The following ERGIC3 variants were observed in gnomAD, a reference collection of about 807,000 sequenced individuals.
ERGIC3 encodes the protein endoplasmic reticulum-Golgi intermediate compartment protein 3.
In ERGIC3, 33 loss-of-function variants were observed where a neutral mutation model predicts 54.7. That is an observed-to-expected ratio of 0.60 (90% CI 0.46 to 0.81). The LOEUF (loss-of-function observed/expected upper bound fraction) is 0.81. Ranked by LOEUF, ERGIC3 falls within the 30% of genes least tolerant of loss-of-function variation. ERGIC3 has a pLI of 0.00. For synonymous variants in ERGIC3, 186 were observed against 189.8 expected, an observed-to-expected ratio of 0.98 and a Z score of 0.16; for missense variants, 399 against 488.4, an observed-to-expected ratio of 0.82 and a Z score of 1.73.
chr20:35,553,590 A>G (rs78183704), intron 7 of ERGIC3, among the ~76,000 whole-genome samples: 1,857 of 150,650 alleles, frequency 0.012, 36 homozygotes, highest in African/African-American at 0.042. Context: ...TGAAGTGAAC[A>G]GGAAGAAAGG....
In ERGIC3 at chr20:35,557,513, GGTGCTTCCTCT is replaced by G. The variant is rs1568874345; in HGVS notation, c.*12_*22del. On this transcript the variant is annotated 3_prime_UTR_variant, in exon 13 of 13. Transcript: ENST00000348547. The stretch of plus-strand genomic sequence containing the variant: ...TAGGGAAGACAACGTAGTCACCCTC[GGTGCTTCCTCT>G]GTCTCCTCTTTCTCCCTGGCCTGTG... 6.2e-7 allele frequency: 1 copy of G among 1,613,202 alleles called. No homozygotes were observed.
intron 4 of ERGIC3, chr20:35,543,473 G>A (rs2064628699): frequency 2.6e-6 from 1 of 380,868 alleles, no homozygotes. Context: ...ATCAAATGAA[G>A]TCATATGTGT....
At chr20:35,556,376 C>A in intron 10 of ERGIC3, 105 bp downstream of exon 10, 1 of 1,223,756 alleles carries the variant, frequency 8.2e-7, no homozygotes, top group Non-Finnish European at 1.2e-6. Context: ...CTCGTCCTCA[C>A]ATGGCGAATA....
At chr20:35,543,040 A>G (rs552729213) in intron 4 of ERGIC3, 99 bp downstream of exon 4, 3 of 1,569,184 alleles carry the variant, frequency 1.9e-6, no homozygotes, top group South Asian at 2.2e-5. Flanking sequence ...GATACATTAA[A>G]CAACTAAGAG....
chr20:35,556,490 C>T lies in ERGIC3; in HGVS notation c.879+219C>T, dbSNP rs548904831. The T allele has an allele frequency of 8.2e-5, 48 of 582,960 alleles. No homozygotes were observed. The African/African-American group carries it at 9.0e-4, about 11-fold the overall frequency. 36.1% of individuals were successfully genotyped at this position (582,960 alleles called of 1,614,324 possible). On this transcript the variant is annotated intron_variant, in intron 10 of 12. Coordinates refer to ENST00000348547, the MANE Select transcript of ERGIC3 (RefSeq NM_015966.3). Reference sequence around the variant, plus strand: ...CCTGCTCTTTCTGCTGCCCTCACCGCTTCTATCCGTTCCTCCGGTGCCCAC... The same window carrying T: ...CCTGCTCTTTCTGCTGCCCTCACCGTTTCTATCCGTTCCTCCGGTGCCCAC...
intron 4 of ERGIC3, among the ~76,000 whole-genome samples, chr20:35,546,567 T>C (rs769190117): frequency 5.9e-5 from 9 of 152,018 alleles, no homozygotes; most frequent in Non-Finnish European, 8.8e-5. Flanking sequence ...TACAGAGAGT[T>C]GAATGGAACC....
chr20:35,554,213 C>CT (rs2064698855), intron 7 of ERGIC3, among the ~76,000 whole-genome samples: 1 of 152,178 alleles, frequency 6.6e-6, no homozygotes, highest in Admixed American at 6.5e-5. Flanking sequence ...TTAGTTCACT[C>CT]TCGAGGAGGG....
At chr20:35,551,494 T>G (rs1193545176) in intron 7 of ERGIC3, among the ~76,000 whole-genome samples, 1 of 152,140 alleles carries the variant, frequency 6.6e-6, no homozygotes, top group African/African-American at 2.4e-5. Flanking sequence ...GGGAGAGGAC[T>G]TGCCTGGAGA....
chr20:35,552,553 G>A (rs2064687259), intron 7 of ERGIC3, among the ~76,000 whole-genome samples: 1 of 152,176 alleles, frequency 6.6e-6, no homozygotes, highest in African/African-American at 2.4e-5. Flanking sequence ...CACAGCATAT[G>A]AGCTAGGAAA....
At chr20:35,552,665 G>A (rs1282390208) in intron 7 of ERGIC3, among the ~76,000 whole-genome samples, 1 of 152,178 alleles carries the variant, frequency 6.6e-6, no homozygotes, top group Non-Finnish European at 1.5e-5. Context: ...TTGGGGAACT[G>A]GAGGAAATTA....
Position 35,548,516 on chromosome 20 carries a change from A to G in ERGIC3, c.469A>G (p.Asn157Asp), listed in dbSNP as rs1433349627. ...GAEAEDIKCC[N>D]TCEDVREAYR... ...TCACTCCCTGCCCTACAGGTGCTGT[A>G]ACACCTGTGAAGATGTGCGGGAGGC... The change falls in exon 6 of 13, where the codon AAC becomes GAC. Residue 157 changes from asparagine (N) to aspartate (D), a missense_variant. Coordinates refer to ENST00000348547, the MANE Select transcript of ERGIC3 (RefSeq NM_015966.3). The G allele has an allele frequency of 1.2e-6, 2 of 1,613,948 alleles. No individual in the cohort carries two copies. Among genetic ancestry groups the G allele is most frequent in the African/African-American group, 2.7e-5 (2 of 74,932 alleles).
chr20:35,545,350 G>A (rs1431407398), intron 4 of ERGIC3: 1 of 151,620 alleles, frequency 6.6e-6, no homozygotes, highest in Non-Finnish European at 1.5e-5. Flanking sequence ...CTGAAGTCAG[G>A]AGTTCAAGAC....
chr20:35,557,614 TATTG>T lies in ERGIC3; in HGVS notation c.*119_*122del, dbSNP rs750900579. 1.1e-6 allele frequency: 1 copy of T among 889,938 alleles called. No individual in the cohort carries two copies. The highest frequency in any genetic ancestry group is 1.8e-6 in the Non-Finnish European group (1 of 552,946). The allele number at this position is 889,938 out of a possible 1,614,324, so 55.1% of individuals were successfully genotyped here. On this transcript the variant is annotated 3_prime_UTR_variant, in exon 13 of 13. Transcript: ENST00000348547. Reference sequence around the variant, plus strand: ...AGCCCCAGCCCCAGGTTGATAAATCTATTGATTGATTGTGATAGTACTCACTGGT... The same window carrying T: ...AGCCCCAGCCCCAGGTTGATAAATCTATTGATTGTGATAGTACTCACTGGT...
At chr20:35,556,633 G>A in intron 10 of ERGIC3, 2 of 494,532 alleles carry the variant, frequency 4.0e-6, no homozygotes, top group Non-Finnish European at 7.4e-6. Flanking sequence ...TCAGCAGAGT[G>A]GCAGGATGCG....
chr20:35,543,099 A>C (rs1949334586), intron 4 of ERGIC3, 158 bp downstream of exon 4: 2 of 1,003,356 alleles, frequency 2.0e-6, no homozygotes, highest in Non-Finnish European at 2.9e-6. Context: ...AGTAAGAGTC[A>C]GAGTGAGCTA....
intron 8 of ERGIC3, among the ~76,000 whole-genome samples, chr20:35,555,441 A>G (rs998492987): frequency 6.6e-6 from 1 of 152,054 alleles, no homozygotes; most frequent in Admixed American, 6.6e-5. Flanking sequence ...CATCTTTCTC[A>G]TGAGAACAGT....
chr20:35,542,797 C>T (rs371681962), intron 3 of ERGIC3, 25 bp from the exon 4 acceptor site: 8 of 1,614,044 alleles, frequency 5.0e-6, no homozygotes, highest in Admixed American at 1.7e-5. Context: ...GTCCCAGTAC[C>T]TTAGCCTGAT....
chr20:35,546,082 AAG>A (rs1411626286), intron 4 of ERGIC3, among the ~76,000 whole-genome samples: 1 of 152,202 alleles, frequency 6.6e-6, no homozygotes, highest in Non-Finnish European at 1.5e-5. Flanking sequence ...GAGTTTCAAG[AAG>A]AGAGAGTGAG....
In ERGIC3 at chr20:35,556,961, C is replaced by T; in HGVS notation, c.880-12C>T. 6.2e-7 allele frequency: 1 copy of T among 1,614,024 alleles called. No individual in the cohort carries two copies. Among genetic ancestry groups the T allele is most frequent in the Non-Finnish European group, 8.5e-7 (1 of 1,179,946 alleles). ...AGCCCTAGCCCTGGCCCAGGCTCCC[C>T]TCCCACCCCAGGTACTGAGGACAAA... On this transcript the variant is annotated splice_polypyrimidine_tract_variant and intron_variant, in intron 10 of 12. Transcript: ENST00000348547.
Sources: gnomAD v4.1 joint callset for allele counts (sites outside exome capture counted in the v4.1 genomes callset) on GRCh38, gnomAD v4.1.1 for gene constraint, MANE v1.5 for transcripts, NCBI Gene and HGNC (gene_info 2026-07-23, HGNC 2026-07-21) for gene names.